Variants in JPH2 observed in about 807,000 individuals in gnomAD.
The protein encoded by JPH2 is junctophilin-2.
In JPH2, 38 loss-of-function variants were observed where a neutral mutation model predicts 55.9. The ratio of observed to expected loss-of-function variants is 0.68; its 90% CI spans 0.52 to 0.89. The LOEUF is 0.89. Among genes scored for constraint, JPH2 ranks in the 40% least tolerant of loss-of-function variants. The pLI is 0.00. For missense variants in JPH2, 964 were observed against 1,037.6 expected, an observed-to-expected ratio of 0.93 and a Z score of 0.97; for synonymous variants, 480 against 472.4, an observed-to-expected ratio of 1.02 and a Z score of -0.21.
chr20:44,149,062 T>A (rs1196645252), intron 2 of JPH2, among the ~76,000 whole-genome samples: 3 of 135,166 alleles, frequency 2.2e-5, no homozygotes, highest in Non-Finnish European at 4.7e-5. Flanking sequence ...CAAGACTCCG[T>A]CTCAAAAAAA....
intron 1 of JPH2, among the ~76,000 whole-genome samples, chr20:44,185,669 AGATGGATGGATGGATGGATGGATG>A (rs34539425): frequency 1.4e-5 from 2 of 147,970 alleles, no homozygotes; most frequent in African/African-American, 5.0e-5. Flanking sequence ...GATGGATCAT[AGATGGATGGATGGATGGATGGATG>A]GATGGATGGA....
intron 2 of JPH2, among the ~76,000 whole-genome samples, chr20:44,130,243 C>T (rs1302814098): frequency 6.6e-6 from 1 of 152,214 alleles, no homozygotes; most frequent in African/African-American, 2.4e-5. Context: ...CCTTTGCTGA[C>T]CCCTGCATCT....
At chr20:44,123,244 T>A (rs2072250853) in intron 2 of JPH2, among the ~76,000 whole-genome samples, 1 of 152,160 alleles carries the variant, frequency 6.6e-6, no homozygotes, top group Non-Finnish European at 1.5e-5. Flanking sequence ...AGGCCAGGAA[T>A]CCCGGTGTTC....
chr20:44,155,600 G>A (rs1457090161), intron 2 of JPH2, among the ~76,000 whole-genome samples: 1 of 152,170 alleles, frequency 6.6e-6, no homozygotes, highest in East Asian at 1.9e-4. Context: ...AGCGGGAAAA[G>A]AGGAAATAGT....
intron 2 of JPH2, among the ~76,000 whole-genome samples, chr20:44,146,035 C>CTT (rs769018756): frequency 4.3e-5 from 6 of 138,808 alleles, no homozygotes; most frequent in Non-Finnish European, 4.7e-5. Flanking sequence ...CACCATTGTT[C>CTT]TTTTTTTTTT....
intron 1 of JPH2, chr20:44,177,318 G>T: frequency 3.0e-6 from 3 of 986,670 alleles, no homozygotes; most frequent in South Asian, 4.7e-5. Flanking sequence ...CCTCATGAGG[G>T]TGTGGAGGGC....
At chr20:44,129,930 A>G (rs2072305400) in intron 2 of JPH2, among the ~76,000 whole-genome samples, 2 of 152,142 alleles carry the variant, frequency 1.3e-5, no homozygotes, top group African/African-American at 4.8e-5. Context: ...CAGGGGTTGA[A>G]AAGACAAGCA....
At position 44,160,257 on chromosome 20, in the gene JPH2, G is replaced by A. The variant is rs2072600546; in HGVS notation, c.530C>T (p.Pro177Leu). The change falls in exon 2 of 6, where the codon CCG becomes CTG. Residue 177 changes from proline (P) to leucine (L), a missense_variant. By Grantham distance (98) the Pro-to-Leu change is moderately conservative. Transcript: ENST00000372980. The surrounding 1 kb of genome is among the most constrained non-coding windows in gnomAD (Gnocchi z 4.9). ...RSEHSNGTVA[P>L]DSPASPASDG... Reference sequence around the variant, plus strand: ...GGAGGCCGGCGAGGCGGGAGAGTCCGGGGCCACCGTGCCGTTGCTGTGCTC... The same window carrying A: ...GGAGGCCGGCGAGGCGGGAGAGTCCAGGGCCACCGTGCCGTTGCTGTGCTC... 6.5e-7 allele frequency: 1 copy of A among 1,528,760 alleles called. No individual in the cohort carries two copies. The highest frequency in any genetic ancestry group is 1.2e-5 in the South Asian group (1 of 83,508). The allele number at this position is 1,528,760 out of a possible 1,614,324, so 94.7% of individuals were successfully genotyped here.
intron 1 of JPH2, among the ~76,000 whole-genome samples, chr20:44,173,618 A>G (rs1318850950): frequency 6.6e-6 from 1 of 152,202 alleles, no homozygotes; most frequent in Non-Finnish European, 1.5e-5. Flanking sequence ...TTTTATCCAT[A>G]CAACAAACAA....
chr20:44,125,923 C>T (rs1202768332), intron 2 of JPH2, among the ~76,000 whole-genome samples: 2 of 151,764 alleles, frequency 1.3e-5, no homozygotes, highest in Non-Finnish European at 2.9e-5. Flanking sequence ...ATGAGAAGTG[C>T]AGTTTTAGCC....
intron 2 of JPH2, among the ~76,000 whole-genome samples, chr20:44,133,832 A>G (rs544590040): frequency 4.2e-4 from 56 of 132,082 alleles, no homozygotes; most frequent in African/African-American, 1.6e-3. Flanking sequence ...ATAAATATAT[A>G]CTTATTATAA....
chr20:44,184,061 G>A (rs2072810526), intron 1 of JPH2, among the ~76,000 whole-genome samples: 1 of 152,168 alleles, frequency 6.6e-6, no homozygotes, highest in African/African-American at 2.4e-5. Context: ...GGAGGCTGAT[G>A]TAGGAGAATC....
Position 44,110,159 on chromosome 20 carries a change from T to C in JPH2, c.*3359A>G, listed in dbSNP as rs1445815048. On this transcript the variant is annotated 3_prime_UTR_variant, in exon 6 of 6. Coordinates refer to ENST00000372980, the MANE Select transcript of JPH2 (RefSeq NM_020433.5). ...CCTGGGGCTCAGGAAGCCGCCTCCT[T>C]TGCACACCATCCAAAGTGAGTTCAA... 6.6e-6 allele frequency among the ~76,000 whole-genome samples: 1 copy of C among 151,714 alleles called. No individual in the cohort carries two copies. Among genetic ancestry groups the C allele is most frequent in the Non-Finnish European group, 1.5e-5 (1 of 67,916 alleles).
intron 1 of JPH2, among the ~76,000 whole-genome samples, chr20:44,163,085 T>A (rs1176773181): frequency 6.6e-6 from 1 of 152,084 alleles, no homozygotes; most frequent in Non-Finnish European, 1.5e-5. Flanking sequence ...ATATGACTTA[T>A]TTATTACATT....
At chr20:44,163,877 A>G (rs1185653659) in intron 1 of JPH2, among the ~76,000 whole-genome samples, 2 of 152,184 alleles carry the variant, frequency 1.3e-5, no homozygotes, top group Admixed American at 1.3e-4. Context: ...GGAGGGAGAG[A>G]CACCTGGGCT....
rs2072600023 is a variant in JPH2, at chr20:44,160,223, G to A, written c.564C>T (p.Pro188=). Residue 188 remains proline, a synonymous_variant, in exon 2 of 6, where the codon CCC becomes CCT. Transcript: ENST00000372980. The surrounding 1 kb of genome is among the most constrained non-coding windows in gnomAD (Gnocchi z 4.9). ...GCGGGATGGCGGGCGAGGGCAGCGC[G>A]GGGCCGTCGGAGGCCGGCGAGGCGG... The part of the protein sequence containing the change: ...DSPASPASDG[P]ALPSPAIPRG... The A allele has an allele frequency of 4.7e-6, 7 of 1,480,390 alleles. No homozygotes were observed. The South Asian group carries it at 7.9e-5, about 17-fold the overall frequency. 91.7% of individuals were successfully genotyped at this position (1,480,390 alleles called of 1,614,324 possible).
chr20:44,169,725 AG>A (rs535636081), intron 1 of JPH2, among the ~76,000 whole-genome samples: 84 of 152,292 alleles, frequency 5.5e-4, no homozygotes, highest in Admixed American at 1.1e-3. Flanking sequence ...CCCCCTAAAA[AG>A]CTCAAATTGA....
intron 2 of JPH2, among the ~76,000 whole-genome samples, chr20:44,153,742 G>C (rs1244066967): frequency 6.6e-6 from 1 of 152,224 alleles, no homozygotes; most frequent in Non-Finnish European, 1.5e-5. Flanking sequence ...TCAGCCCTGT[G>C]GCGTGTGTAT....
At position 44,159,405 on chromosome 20, in the gene JPH2, G is replaced by A. The variant is rs571738456; in HGVS notation, c.1169+213C>T. Among the ~76,000 whole-genome samples, 1 of 152,262 alleles carries A rather than the reference G, an allele frequency of 6.6e-6. No individual in the cohort carries two copies. The highest frequency in any genetic ancestry group is 2.1e-4 in the South Asian group (1 of 4,828). Reference sequence around the variant, plus strand: ...AAGGTTGGGTGAGTGGTAGGGTTAAGTCAGTGGAAGGGCTGGGTGTAACTG... The same window carrying A: ...AAGGTTGGGTGAGTGGTAGGGTTAAATCAGTGGAAGGGCTGGGTGTAACTG... On this transcript the variant is annotated intron_variant, in intron 2 of 5. Coordinates refer to ENST00000372980, the MANE Select transcript of JPH2 (RefSeq NM_020433.5). The surrounding 1 kb of genome is among the most constrained non-coding windows in gnomAD (Gnocchi z 5.7).
Sources: allele counts gnomAD v4.1 joint callset (sites outside exome capture counted in the v4.1 genomes callset), GRCh38; gene constraint gnomAD v4.1.1; non-coding constraint Gnocchi (gnomAD v3.1); transcripts MANE v1.5; gene names NCBI Gene and HGNC (gene_info 2026-07-23, HGNC 2026-07-21).